Variants in LARP1B observed in about 807,000 individuals in gnomAD.
LARP1B encodes La ribonucleoprotein 1B, also known as la-related protein 1B.
A neutral mutation model predicts 114.2 loss-of-function variants in LARP1B; 76 were observed. That is an observed-to-expected ratio of 0.67 (90% CI 0.55 to 0.81). The LOEUF (loss-of-function observed/expected upper bound fraction) is 0.81, where lower values mean the gene tolerates loss of function less well. Ranked by LOEUF, LARP1B falls within the 30% of genes least tolerant of loss-of-function variation. The pLI is 0.00. For synonymous variants in LARP1B, 345 were observed against 348.0 expected (o/e 0.99, Z 0.10); for missense variants, 1,014 against 1,075.8 (o/e 0.94, Z 0.80).
intron 12 of LARP1B, among the ~76,000 whole-genome samples, chr4:128,175,875 A>T (rs1745649692): frequency 6.6e-6 from 1 of 151,798 alleles, no homozygotes; most frequent in African/African-American, 2.4e-5. Flanking sequence ...GGCTCAGATT[A>T]TACATTCTGT....
At chr4:128,065,557 C>T (rs964617360) in intron 1 of LARP1B, among the ~76,000 whole-genome samples, 2 of 151,724 alleles carry the variant, frequency 1.3e-5, no homozygotes, top group African/African-American at 4.8e-5. Flanking sequence ...AGTCTATTTG[C>T]AGTTAAATAA....
At chr4:128,086,818 TGA>T (rs1276208018) in intron 5 of LARP1B, among the ~76,000 whole-genome samples, 1 of 152,068 alleles carries the variant, frequency 6.6e-6, no homozygotes, top group Non-Finnish European at 1.5e-5. Context: ...TCTTTTTTTT[TGA>T]GACAAAGCCT....
intron 11 of LARP1B, among the ~76,000 whole-genome samples, chr4:128,132,308 G>A (rs1249576847): frequency 6.6e-6 from 1 of 152,016 alleles, no homozygotes; most frequent in African/African-American, 2.4e-5. Context: ...GCAGTGGCGC[G>A]ATCTTGGCTC....
intron 15 of LARP1B, among the ~76,000 whole-genome samples, chr4:128,186,933 A>G (rs1217213648): frequency 2.0e-5 from 3 of 152,220 alleles, no homozygotes; most frequent in Non-Finnish European, 2.9e-5. Flanking sequence ...TGCAAACCAT[A>G]AACCTTGGCA....
chr4:128,112,466 A>ATTTTTTTTTT (rs1174266918), intron 9 of LARP1B, among the ~76,000 whole-genome samples: 11 of 69,322 alleles, frequency 1.6e-4, no homozygotes, highest in Non-Finnish European at 2.0e-4. Context: ...TGCTTACTCT[A>ATTTTTTTTTT]TTTTTTTTTT....
intron 7 of LARP1B, among the ~76,000 whole-genome samples, chr4:128,095,345 C>T (rs1272405214): frequency 3.3e-5 from 5 of 151,466 alleles, no homozygotes; most frequent in East Asian, 3.9e-4. Context: ...AAAAATTAGC[C>T]GGGCATGGTG....
chr4:128,097,951 A>G (rs1363424361), intron 7 of LARP1B, among the ~76,000 whole-genome samples: 1 of 152,236 alleles, frequency 6.6e-6, no homozygotes, highest in African/African-American at 2.4e-5. Flanking sequence ...ATCTAAATAG[A>G]AGTTATTAAT....
chr4:128,129,190 A>G (rs1353044845), intron 11 of LARP1B, among the ~76,000 whole-genome samples: 1 of 133,894 alleles, frequency 7.5e-6, no homozygotes, highest in Non-Finnish European at 1.6e-5. Flanking sequence ...AAAAAAAAAA[A>G]AAAAAAAAAA....
intron 10 of LARP1B, among the ~76,000 whole-genome samples, chr4:128,118,881 CTTTTT>C (rs34136459): frequency 7.2e-6 from 1 of 139,392 alleles, no homozygotes; most frequent in Non-Finnish European, 1.5e-5. Flanking sequence ...ATTCCACAGT[CTTTTT>C]TTTTTTTTGA....
At chr4:128,117,898 T>G (rs1433320258) in intron 10 of LARP1B, among the ~76,000 whole-genome samples, 2 of 148,038 alleles carry the variant, frequency 1.4e-5, no homozygotes, top group African/African-American at 4.9e-5. Flanking sequence ...GTAGGTCTAA[T>G]TTTAAACAGA....
chr4:128,156,368 T>C (rs1735672401), intron 11 of LARP1B, among the ~76,000 whole-genome samples: 1 of 152,146 alleles, frequency 6.6e-6, no homozygotes, highest in South Asian at 2.1e-4. Flanking sequence ...TAGAGCCAGC[T>C]TGGGGCCACC....
chr4:128,137,059 C>A (rs895102422), intron 11 of LARP1B, among the ~76,000 whole-genome samples: 4 of 151,994 alleles, frequency 2.6e-5, no homozygotes, highest in African/African-American at 9.7e-5. Flanking sequence ...TTAAAAAGTG[C>A]AGCTAAGGCA....
rs144434999 is a variant in LARP1B, at chr4:128,074,990, T to C, written c.39T>C (p.Thr13=). The change falls in exon 3 of 20, where the codon ACT becomes ACC. Residue 13 remains threonine (T), a synonymous_variant. Transcript: ENST00000326639. ...CAACACCAAGTGAATTAGTGAACAC[T>C]GGAGTGAGTATTGTTTTAAAGTTTT... is the stretch of plus-strand genomic sequence containing the variant. The part of the protein sequence containing the change: ...NWPTPSELVN[T]GFQSVLSQGN... 1.4e-5 allele frequency: 23 copies of C among 1,599,552 alleles called. No individual in the cohort carries two copies. Among genetic ancestry groups the C allele is most frequent in the Non-Finnish European group, 1.9e-5 (22 of 1,168,066 alleles).
Position 128,210,069 on chromosome 4 carries a change from T to G in LARP1B, c.*16T>G. On this transcript the variant is annotated 3_prime_UTR_variant, in exon 20 of 20. Transcript: ENST00000326639. ...TTCACATTAAACAGTGCTGCCTGTG[T>G]CCTGTGGTCTCAAGAAATGGTGAAA... 1 of 1,613,682 alleles carries G rather than the reference T, an allele frequency of 6.2e-7. No homozygotes were observed. The highest frequency in any genetic ancestry group is 8.5e-7 in the Non-Finnish European group (1 of 1,179,640).
At chr4:128,060,887 C>T (rs889890330), upstream of LARP1B, among the ~76,000 whole-genome samples, 1 of 152,170 alleles carries the variant, frequency 6.6e-6, no homozygotes, top group African/African-American at 2.4e-5. Flanking sequence ...GGGTCGACAC[C>T]GCGTCCCCTC....
chr4:128,155,739 G>C, intron 11 of LARP1B: 9 of 1,608,632 alleles, frequency 5.6e-6, no homozygotes, highest in Non-Finnish European at 6.8e-6. Context: ...GGAACAAGCT[G>C]GCTGCGGCCA....
At chr4:128,122,335 C>T in intron 11 of LARP1B, 147 bp downstream of exon 11, 2 of 1,466,630 alleles carry the variant, frequency 1.4e-6, no homozygotes, top group East Asian at 2.4e-5. Flanking sequence ...TGGAAATATA[C>T]CTGATAATTA....
intron 8 of LARP1B, among the ~76,000 whole-genome samples, chr4:128,101,561 G>GTT (rs35662647): frequency 3.7e-4 from 48 of 128,668 alleles, no homozygotes; most frequent in African/African-American, 9.8e-4. Flanking sequence ...GAGAAAATTA[G>GTT]TTTTTTTTTT....
Position 128,207,117 on chromosome 4 carries a change from C to T in LARP1B, c.2420-139C>T, listed in dbSNP as rs1279188035. The T allele has an allele frequency of 1.8e-5, 8 of 440,758 alleles. No homozygotes were observed. The East Asian group carries it at 3.0e-4, about 17-fold the overall frequency. The allele number at this position is 440,758 out of a possible 1,614,324, so 27.3% of individuals were successfully genotyped here. On this transcript the variant is annotated intron_variant, in intron 18 of 19. Coordinates refer to ENST00000326639, the MANE Select transcript of LARP1B (RefSeq NM_018078.4). ...TATTAGCTGCCATTATTGGTTAATT[C>T]ATTACATGTCTTATTCTCAAGATCT...
Sources: gnomAD v4.1 joint callset for allele counts (sites outside exome capture counted in the v4.1 genomes callset) on GRCh38, gnomAD v4.1.1 for gene constraint, MANE v1.5 for transcripts, NCBI Gene and HGNC (gene_info 2026-07-23, HGNC 2026-07-21) for gene names.